Variants in LTBP1 observed in about 807,000 individuals in gnomAD.
LTBP1 encodes latent transforming growth factor beta binding protein 1.
A neutral mutation model predicts 207.6 loss-of-function variants in LTBP1; 129 were observed. The ratio of observed to expected loss-of-function variants is 0.62; its 90% CI spans 0.54 to 0.72. The LOEUF (loss-of-function observed/expected upper bound fraction) is 0.72, where lower values mean the gene tolerates loss of function less well. Among genes scored for constraint, LTBP1 ranks in the 30% least tolerant of loss-of-function variants. LTBP1 has a pLI of 0.00. For synonymous variants in LTBP1, 963 were observed against 833.7 expected (o/e 1.16, Z -2.67); for missense variants, 2,281 against 2,217.2 (o/e 1.03, Z -0.58).
At chr2:33,309,351 T>C (rs543009451) in intron 22 of LTBP1, 83 bp from the exon 23 acceptor site, 11 of 889,916 alleles carry the variant, frequency 1.2e-5, no homozygotes, top group Middle Eastern at 2.6e-4. Context: ...TGTAAAATAG[T>C]GTACCTTTAC....
At chr2:33,164,043 C>G (rs1460935302) in intron 5 of LTBP1, among the ~76,000 whole-genome samples, 1 of 151,810 alleles carries the variant, frequency 6.6e-6, no homozygotes, top group Admixed American at 6.6e-5. Flanking sequence ...ATTAAGTTGA[C>G]TTGTTCATTA....
intron 2 of LTBP1, among the ~76,000 whole-genome samples, chr2:32,971,040 G>GTGTGTC (rs1553350258): frequency 1.5e-5 from 2 of 137,128 alleles, no homozygotes; most frequent in Non-Finnish European, 1.6e-5. Flanking sequence ...GTGTGTGTGT[G>GTGTGTC]TGTCTGTCTG....
At chr2:33,396,403 G>A (rs574176854) in intron 32 of LTBP1, among the ~76,000 whole-genome samples, 3 of 152,186 alleles carry the variant, frequency 2.0e-5, no homozygotes, top group Admixed American at 6.5e-5. Flanking sequence ...TGTATTTTTA[G>A]TAGAGACAGG....
chr2:33,025,596 A>T (rs957246958), intron 3 of LTBP1, among the ~76,000 whole-genome samples: 3 of 152,266 alleles, frequency 2.0e-5, no homozygotes, highest in Admixed American at 6.5e-5. Flanking sequence ...AACAATCATG[A>T]ACATGCTAAC....
intron 31 of LTBP1, among the ~76,000 whole-genome samples, chr2:33,387,666 A>G (rs1425955138): frequency 2.0e-5 from 3 of 151,608 alleles, no homozygotes; most frequent in African/African-American, 7.3e-5. Context: ...CGTCACCCTC[A>G]TTCCTCCAGT....
At chr2:33,021,754 T>C (rs1314962657) in intron 3 of LTBP1, among the ~76,000 whole-genome samples, 3 of 152,172 alleles carry the variant, frequency 2.0e-5, no homozygotes, top group Non-Finnish European at 4.4e-5. Context: ...GGTCCATTTT[T>C]GGTGAATGAG....
At chr2:33,006,469 C>T (rs564316676) in intron 2 of LTBP1, among the ~76,000 whole-genome samples, 19 of 150,962 alleles carry the variant, frequency 1.3e-4, no homozygotes, top group African/African-American at 2.7e-4. Context: ...CTGCACCCTC[C>T]GCCTCCCGGT....
intron 18 of LTBP1, among the ~76,000 whole-genome samples, chr2:33,276,325 T>G (rs898569834): frequency 1.3e-5 from 2 of 152,240 alleles, no homozygotes; most frequent in Admixed American, 6.5e-5. Context: ...TCCAATGCTT[T>G]CTTTTACATG....
intron 3 of LTBP1, among the ~76,000 whole-genome samples, chr2:33,026,933 A>G (rs1345945821): frequency 6.6e-6 from 1 of 152,238 alleles, no homozygotes; most frequent in Non-Finnish European, 1.5e-5. Flanking sequence ...TCTTAGACTC[A>G]GCCATCTTCC....
At chr2:33,347,249 G>A in intron 25 of LTBP1, 118 bp from the exon 26 acceptor site, 9 of 1,125,300 alleles carry the variant, frequency 8.0e-6, no homozygotes, top group Non-Finnish European at 1.2e-5. Context: ...GGGTTTGACT[G>A]CTCTCTGGGG....
intron 22 of LTBP1, among the ~76,000 whole-genome samples, chr2:33,308,906 C>T (rs1485221890): frequency 6.6e-6 from 1 of 152,084 alleles, no homozygotes; most frequent in Non-Finnish European, 1.5e-5. Context: ...TTTATCATCA[C>T]CAACAATATA....
intron 29 of LTBP1, 66 bp downstream of exon 29, chr2:33,363,584 T>C: frequency 8.1e-6 from 12 of 1,489,066 alleles, no homozygotes; most frequent in Middle Eastern, 1.8e-4. Context: ...ATAACTATGC[T>C]ATGTAGTAAA....
intron 5 of LTBP1, among the ~76,000 whole-genome samples, chr2:33,176,105 C>T (rs559751920): frequency 8.6e-5 from 13 of 150,486 alleles, no homozygotes; most frequent in Admixed American, 2.7e-4. Context: ...TGTATACATA[C>T]GTAACTAACC....
At chr2:33,092,622 T>G (rs1204787423) in intron 3 of LTBP1, among the ~76,000 whole-genome samples, 2 of 117,456 alleles carry the variant, frequency 1.7e-5, no homozygotes, top group South Asian at 3.9e-4. Context: ...GAATAAATAC[T>G]GGAAGGATGT....
rs114007569 is a variant in LTBP1 at position 33,041,752 on chromosome 2, C to T, written c.863+20546C>T. Among the ~76,000 whole-genome samples, 1,145 of 152,234 alleles carry T rather than the reference C, an allele frequency of 7.5e-3. 14 individuals are homozygous for T. Among genetic ancestry groups the T allele is most frequent in the African/African-American group, 0.025 (1,058 of 41,548 alleles). On this transcript the variant is annotated intron_variant, in intron 3 of 33. Transcript: ENST00000404816. ...AGGCAGGATAGTCACCCTTAAATAA[C>T]CCACAGTTTACTGGAAGTCTCAGTC... is the stretch of plus-strand genomic sequence containing the variant.
At chr2:33,041,157 T>C (rs1298790622) in intron 3 of LTBP1, among the ~76,000 whole-genome samples, 1 of 152,208 alleles carries the variant, frequency 6.6e-6, no homozygotes. Flanking sequence ...CCATACCACA[T>C]AGCCCACCGA....
chr2:33,373,118 G>C (rs1232919531), intron 31 of LTBP1, among the ~76,000 whole-genome samples: 1 of 152,138 alleles, frequency 6.6e-6, no homozygotes, highest in African/African-American at 2.4e-5. Context: ...CTTGATAAAC[G>C]GGACAACTAG....
chr2:32,975,227 G>A (rs1553352284), intron 2 of LTBP1, among the ~76,000 whole-genome samples: 1 of 152,204 alleles, frequency 6.6e-6, no homozygotes, highest in Non-Finnish European at 1.5e-5. Context: ...GGCTTAGACA[G>A]TATTTGCTGA....
At chr2:33,300,407 G>C in intron 20 of LTBP1, 44 bp from the exon 21 acceptor site, 1 of 1,602,722 alleles carries the variant, frequency 6.2e-7, no homozygotes, top group African/African-American at 1.3e-5. Context: ...GCATTCTCCT[G>C]GGTAGTCTCT....
Sources: allele counts gnomAD v4.1 joint callset (sites outside exome capture counted in the v4.1 genomes callset), GRCh38; gene constraint gnomAD v4.1.1; transcripts MANE v1.5; gene names NCBI Gene and HGNC (gene_info 2026-07-23, HGNC 2026-07-21).